The following TP53BP2 variants were observed in gnomAD, a reference collection of about 807,000 sequenced individuals.
TP53BP2 encodes apoptosis-stimulating of p53 protein 2.
In TP53BP2, 62 loss-of-function variants were observed where a neutral mutation model predicts 126.2. That is an observed-to-expected ratio of 0.49 (90% CI 0.40 to 0.61). The LOEUF (loss-of-function observed/expected upper bound fraction) is 0.61, where lower values mean the gene tolerates loss of function less well. Ranked by LOEUF, TP53BP2 falls within the 20% of genes least tolerant of loss-of-function variation. TP53BP2 has a pLI of 0.00. For missense variants in TP53BP2, 1,215 were observed against 1,402.8 expected, an observed-to-expected ratio of 0.87 and a Z score of 2.14; for synonymous variants, 485 against 502.9, an observed-to-expected ratio of 0.96 and a Z score of 0.48.
At chr1:223,812,210 T>C (rs573366113) in intron 3 of TP53BP2, among the ~76,000 whole-genome samples, 13 of 152,342 alleles carry the variant, frequency 8.5e-5, no homozygotes, top group African/African-American at 2.9e-4. Flanking sequence ...TCTAGGTGTG[T>C]GGCCTCTGAC....
Position 223,780,747 on chromosome 1 carries a change from A to T in TP53BP2, c.*106T>A. On this transcript the variant is annotated 3_prime_UTR_variant, in exon 18 of 18. Transcript: ENST00000343537. ...AGACATTCTTCATCGCTTTCAAGCT[A>T]CATTGTCATTAAAATAAGTCTTGTG... 9.5e-7 allele frequency: 1 copy of T among 1,052,244 alleles called. No homozygotes were observed. Among genetic ancestry groups the T allele is most frequent in the Non-Finnish European group, 1.4e-6 (1 of 699,012 alleles). The allele number at this position is 1,052,244 out of a possible 1,614,324, so 65.2% of individuals were successfully genotyped here. A position where few individuals can be genotyped will look rare whatever the true frequency, so the allele number is the denominator to read the frequency against.
At chr1:223,814,090 T>A in intron 3 of TP53BP2, 150 bp downstream of exon 3, 2 of 592,402 alleles carry the variant, frequency 3.4e-6, no homozygotes, top group Non-Finnish European at 6.0e-6. Context: ...TAGTCAAACT[T>A]CTCCCCTCGA....
intron 1 of TP53BP2, among the ~76,000 whole-genome samples, chr1:223,830,333 T>C (rs1349241248): frequency 6.6e-6 from 1 of 152,200 alleles, no homozygotes; most frequent in African/African-American, 2.4e-5. Context: ...GATTTTTGGA[T>C]TAAGGATGCT....
chr1:223,785,134 T>G (rs1365932438), intron 16 of TP53BP2, among the ~76,000 whole-genome samples: 2 of 152,188 alleles, frequency 1.3e-5, no homozygotes, highest in East Asian at 3.8e-4. Flanking sequence ...GAAAATAAGG[T>G]AATAAAGTTC....
Position 223,781,489 on chromosome 1 carries a change from C to T in TP53BP2, c.3364-595G>A, listed in dbSNP as rs147979715. The stretch of plus-strand genomic sequence containing the variant: ...AGTCCTAGTGAAGGTTGCAAGGCCT[C>T]TAGGCCTGAGCCAGGACCAAGTCAA... On this transcript the variant is annotated intron_variant, in intron 17 of 17. Coordinates refer to ENST00000343537, the MANE Select transcript of TP53BP2 (RefSeq NM_001031685.3). Among the ~76,000 whole-genome samples, 22 of 152,324 alleles carry T rather than the reference C, an allele frequency of 1.4e-4. No homozygotes were observed. The East Asian group carries it at 3.3e-3, about 23-fold the overall frequency.
chr1:223,832,351 T>C (rs1428182012), intron 1 of TP53BP2, among the ~76,000 whole-genome samples: 1 of 152,220 alleles, frequency 6.6e-6, no homozygotes, highest in Admixed American at 6.5e-5. Flanking sequence ...ACCACAGGAA[T>C]AGCCAGGCGA....
At chr1:223,815,432 A>G (rs906951186) in intron 2 of TP53BP2, among the ~76,000 whole-genome samples, 2 of 152,224 alleles carry the variant, frequency 1.3e-5, no homozygotes, top group African/African-American at 4.8e-5. Context: ...CACCTCCAAA[A>G]GAAATTCTGA....
intron 1 of TP53BP2, among the ~76,000 whole-genome samples, chr1:223,832,116 A>G (rs1663756469): frequency 6.6e-6 from 1 of 152,220 alleles, no homozygotes; most frequent in South Asian, 2.1e-4. Context: ...TTTGATTCAG[A>G]AAATCATGTG....
In TP53BP2 at chr1:223,789,078, G is replaced by C; in HGVS notation, c.3093C>G (p.Asp1031Glu). The change falls in exon 16 of 18, where the codon GAC (aspartate) becomes GAG (glutamate). Residue 1031 changes from aspartate (D) to glutamate (E), a missense_variant. Asp to Glu is a conservative substitution (Grantham distance 45). This residue lies in a region of TP53BP2 where 151 missense variants were observed against 231.2 expected (regional missense o/e 0.65). Transcript: ENST00000343537. The part of the protein sequence containing the change: ...GAAVFAMTYS[D>E]MQTAADKCEE... ...CGCACTTATCTGCAGCAGTCTGCATGTCACTGTAGGTCATGGCAAACACAG... is the reference window on the plus strand; with the variant it reads ...CGCACTTATCTGCAGCAGTCTGCATCTCACTGTAGGTCATGGCAAACACAG... The C allele has an allele frequency of 2.5e-6, 4 of 1,614,196 alleles. No homozygotes were observed. Among genetic ancestry groups the C allele is most frequent in the African/African-American group, 1.3e-5 (1 of 75,044 alleles).
At chr1:223,789,321 AAC>A in intron 15 of TP53BP2, 147 bp from the exon 16 acceptor site, 1 of 855,012 alleles carries the variant, frequency 1.2e-6, no homozygotes, top group East Asian at 2.6e-5. Flanking sequence ...AAACCAGTTC[AAC>A]ACAGATGATT....
At chr1:223,797,908 AC>A (rs1302582757) in intron 12 of TP53BP2, among the ~76,000 whole-genome samples, 6 of 152,114 alleles carry the variant, frequency 3.9e-5, no homozygotes, top group African/African-American at 1.4e-4. Flanking sequence ...CATCTGGTCA[AC>A]CTACAGTGAA....
chr1:223,821,017 T>C (rs1663284540), intron 2 of TP53BP2: 1 of 631,770 alleles, frequency 1.6e-6, no homozygotes, highest in Non-Finnish European at 2.7e-6. Flanking sequence ...TATTGTGGTG[T>C]CTCCATTTTA....
At chr1:223,786,611 T>TG (rs1491259336) in intron 16 of TP53BP2, among the ~76,000 whole-genome samples, 5 of 149,444 alleles carry the variant, frequency 3.3e-5, no homozygotes, top group African/African-American at 1.3e-4. Flanking sequence ...TGTGTGTATA[T>TG]TTTTTTTTCC....
At chr1:223,805,764 T>C (rs151230020) in intron 5 of TP53BP2, among the ~76,000 whole-genome samples, 3 of 152,228 alleles carry the variant, frequency 2.0e-5, no homozygotes, top group Non-Finnish European at 4.4e-5. Flanking sequence ...TGACAAACTA[T>C]AGTCTGCAGG....
At chr1:223,802,995 T>C (rs1662582532) in intron 7 of TP53BP2, 100 bp from the exon 8 acceptor site, 3 of 1,323,882 alleles carry the variant, frequency 2.3e-6, no homozygotes, top group Admixed American at 2.2e-5. Flanking sequence ...TCTAAAAATA[T>C]GAGGTCCCTC....
chr1:223,813,050 C>A (rs993513364), intron 3 of TP53BP2, among the ~76,000 whole-genome samples: 1 of 152,184 alleles, frequency 6.6e-6, no homozygotes, highest in African/African-American at 2.4e-5. Flanking sequence ...CCACATCCTA[C>A]AAGACTGCTG....
At chr1:223,816,907 C>A (rs1663105097) in intron 2 of TP53BP2, among the ~76,000 whole-genome samples, 1 of 150,884 alleles carries the variant, frequency 6.6e-6, no homozygotes, top group African/African-American at 2.4e-5. Context: ...CACCTGTAAT[C>A]CCAACACTTT....
At chr1:223,816,002 G>T (rs1049148371) in intron 2 of TP53BP2, among the ~76,000 whole-genome samples, 2 of 152,154 alleles carry the variant, frequency 1.3e-5, no homozygotes, top group East Asian at 3.8e-4. Context: ...TTCTCGGCAC[G>T]TATCACCATT....
intron 5 of TP53BP2, 103 bp from the exon 6 acceptor site, chr1:223,804,451 T>A (rs1450724991): frequency 2.8e-6 from 3 of 1,060,100 alleles, no homozygotes; most frequent in Non-Finnish European, 4.2e-6. Context: ...TGAGGTACAC[T>A]TGTAACCCTG....
Sources: gnomAD v4.1 joint callset for allele counts (sites outside exome capture counted in the v4.1 genomes callset) on GRCh38, gnomAD v4.1.1 for gene constraint, gnomAD v4.1.1 regional missense constraint, MANE v1.5 for transcripts, NCBI Gene and HGNC (gene_info 2026-07-23, HGNC 2026-07-21) for gene names.